SLC17A3: variants seen among roughly 807,000 people sequenced by gnomAD.
The protein encoded by SLC17A3 is sodium-dependent phosphate transport protein 4.
In SLC17A3, 61 loss-of-function variants were observed where a neutral mutation model predicts 60.3. The ratio of observed to expected loss-of-function variants is 1.01; its 90% CI spans 0.82 to 1.25. The LOEUF is 1.25. Among genes scored for constraint, SLC17A3 ranks in the 50% most tolerant of loss-of-function variants. The probability of loss-of-function intolerance (pLI) is 0.00; values close to 1 mark genes in which losing one functional copy is unlikely to be tolerated. For synonymous variants in SLC17A3, 192 were observed against 208.9 expected (o/e 0.92, Z 0.70); for missense variants, 624 against 594.9 (o/e 1.05, Z -0.51).
At chr6:25,851,950 T>C (rs1159161872) in intron 6 of SLC17A3, among the ~76,000 whole-genome samples, 5 of 152,162 alleles carry the variant, frequency 3.3e-5, no homozygotes, top group Non-Finnish European at 5.9e-5. Context: ...TTTATCCCTA[T>C]GTTGAATATT....
chr6:25,860,305 G>A (rs1237944373), intron 5 of SLC17A3, among the ~76,000 whole-genome samples: 1 of 150,594 alleles, frequency 6.6e-6, no homozygotes, highest in African/African-American at 2.5e-5. Context: ...TTAGAAGACA[G>A]TACACCGTGT....
At chr6:25,858,310 C>T (rs1001954185) in intron 5 of SLC17A3, among the ~76,000 whole-genome samples, 3 of 152,188 alleles carry the variant, frequency 2.0e-5, no homozygotes, top group African/African-American at 7.2e-5. Context: ...TCTTCTTATT[C>T]TTTCCTCAGC....
chr6:25,865,631 GA>G (rs2151526522), intron 2 of SLC17A3, among the ~76,000 whole-genome samples: 1 of 152,122 alleles, frequency 6.6e-6, no homozygotes, highest in East Asian at 1.9e-4. Context: ...ATTAACTAGA[GA>G]GTGTATTTAA....
At chr6:25,863,351 A>G (rs1765483819) in intron 2 of SLC17A3, among the ~76,000 whole-genome samples, 1 of 152,138 alleles carries the variant, frequency 6.6e-6, no homozygotes, top group African/African-American at 2.4e-5. Context: ...AGTAGAAGGT[A>G]TCCTGGCAGA....
At chr6:25,872,933 C>G (rs1303598306) in intron 1 of SLC17A3, among the ~76,000 whole-genome samples, 5 of 152,068 alleles carry the variant, frequency 3.3e-5, no homozygotes, top group Non-Finnish European at 7.4e-5. Flanking sequence ...AACACCCTAT[C>G]TCTAAGTGAA....
chr6:25,868,433 T>C lies in SLC17A3; in HGVS notation c.-33-13A>G, dbSNP rs1480787101. 1.4e-6 allele frequency: 2 copies of C among 1,465,172 alleles called. No homozygotes were observed. The highest frequency in any genetic ancestry group is 3.4e-5 in the Admixed American group (2 of 59,458). 90.8% of individuals were successfully genotyped at this position (1,465,172 alleles called of 1,614,324 possible). ...GAATGGTTTTCACCTATCAGGGAGATATGTAATTCACATGCATCAGTTGAG... is the reference window on the plus strand; with the variant it reads ...GAATGGTTTTCACCTATCAGGGAGACATGTAATTCACATGCATCAGTTGAG... On this transcript the variant is annotated splice_polypyrimidine_tract_variant and intron_variant, in intron 1 of 12. Transcript: ENST00000397060.
intron 5 of SLC17A3, among the ~76,000 whole-genome samples, chr6:25,859,060 A>G (rs1178618010): frequency 1.3e-5 from 2 of 152,234 alleles, no homozygotes; most frequent in East Asian, 3.8e-4. Flanking sequence ...AATTCACCTT[A>G]TAAGACATTA....
At chr6:25,852,004 T>G (rs1483929874) in intron 6 of SLC17A3, among the ~76,000 whole-genome samples, 2 of 152,202 alleles carry the variant, frequency 1.3e-5, no homozygotes, top group Non-Finnish European at 2.9e-5. Context: ...AATTGACATT[T>G]CTTATTATTT....
chr6:25,850,333 T>A, intron 8 of SLC17A3, 126 bp downstream of exon 8: 2 of 1,316,054 alleles, frequency 1.5e-6, no homozygotes, highest in Non-Finnish European at 2.2e-6. Flanking sequence ...GCTACTGGCA[T>A]GAGTATTAAA....
chr6:25,868,372 C>G lies in SLC17A3; in HGVS notation c.16G>C (p.Glu6Gln). 6.2e-7 allele frequency: 1 copy of G among 1,612,056 alleles called. No individual in the cohort carries two copies. Among genetic ancestry groups the G allele is most frequent in the Non-Finnish European group, 8.5e-7 (1 of 1,178,702 alleles). ...CTCTCCCTTGCTGTGGGACTCAACT[C>G]TGTCTTGGTGGCCATTGTGTTTCTC... is the stretch of plus-strand genomic sequence containing the variant. MATKTELSPTARESKN... is the reference protein window; with the variant it reads MATKTQLSPTARESKN... The change falls in exon 2 of 13, where the codon GAG becomes CAG. Residue 6 changes from glutamate (E) to glutamine (Q), a missense_variant. Transcript: ENST00000397060.
chr6:25,862,433 A>G lies in SLC17A3; in HGVS notation c.103T>C (p.Cys35Arg). Residue 35 changes from cysteine to arginine, a missense_variant, in exon 3 of 13, where the codon TGT (cysteine) becomes CGT (arginine). Transcript: ENST00000397060. The part of the protein sequence containing the change: ...TLIPRKVPSL[C>R]SARYGIALVL... ...AGGGCTATTCCATAGCGAGCAGAAC[A>G]TAAACTTGGAACTGGAAATATTATG... is the stretch of plus-strand genomic sequence containing the variant. 1 of 1,613,162 alleles carries G rather than the reference A, an allele frequency of 6.2e-7. No homozygotes were observed. Among genetic ancestry groups the G allele is most frequent in the Non-Finnish European group, 8.5e-7 (1 of 1,179,172 alleles).
In SLC17A3 at chr6:25,850,865, C is replaced by T. The variant is rs1470393479; in HGVS notation, c.725G>A (p.Cys242Tyr). 3 of 1,613,956 alleles carry T rather than the reference C, an allele frequency of 1.9e-6. No homozygotes were observed. The highest frequency in any genetic ancestry group is 1.1e-5 in the South Asian group (1 of 91,078). ...AACAAACCAGAGAAGGCAGCAGACA[C>T]AGCCAACACCTCCTGTAAGCACAGG... ...FVFYIFGGVG[C>Y]VCCLLWFVVI... Residue 242 changes from cysteine (C) to tyrosine (Y), a missense_variant, in exon 7 of 13, where the codon TGT becomes TAT. By Grantham distance (194) the Cys-to-Tyr change is radical. Transcript: ENST00000397060.
intron 5 of SLC17A3, among the ~76,000 whole-genome samples, chr6:25,858,816 T>TAC (rs1462797067): frequency 2.0e-5 from 3 of 152,202 alleles, no homozygotes; most frequent in East Asian, 1.9e-4. Flanking sequence ...AATGCTCAAA[T>TAC]ACACACACAC....
At chr6:25,847,511 T>G (rs888260269) in intron 11 of SLC17A3, among the ~76,000 whole-genome samples, 1 of 152,170 alleles carries the variant, frequency 6.6e-6, no homozygotes, top group Non-Finnish European at 1.5e-5. Context: ...ACGGTTGAAC[T>G]AATTTACACT....
Position 25,861,623 on chromosome 6 carries a change from C to G in SLC17A3, c.625+1G>C. On this transcript the variant is annotated splice_donor_variant, in intron 5 of 12. Coordinates refer to ENST00000397060, the MANE Select transcript of SLC17A3 (RefSeq NM_001098486.2). LOFTEE classifies it high-confidence loss of function. ...TACCCATTTGGATTACATGTCCTTA[C>G]CTGATAAAGCAATGCTGCAGAGTCT... 6.2e-7 allele frequency: 1 copy of G among 1,613,528 alleles called. No individual in the cohort carries two copies. Among genetic ancestry groups the G allele is most frequent in the South Asian group, 1.1e-5 (1 of 91,072 alleles).
At chr6:25,846,918 T>C (rs569926356) in intron 11 of SLC17A3, among the ~76,000 whole-genome samples, 19 of 152,284 alleles carry the variant, frequency 1.2e-4, no homozygotes, top group Admixed American at 1.2e-3. Flanking sequence ...GCCGGAAATA[T>C]TATTTTCTAA....
intron 6 of SLC17A3, among the ~76,000 whole-genome samples, chr6:25,851,262 T>A (rs1235058775): frequency 6.6e-6 from 1 of 152,014 alleles, no homozygotes; most frequent in East Asian, 1.9e-4. Context: ...TTTTGGTTTT[T>A]TATTATTGAG....
In SLC17A3 at chr6:25,850,180, A is replaced by G. The variant is rs1167871547; in HGVS notation, c.994-3T>C. 4 of 1,612,816 alleles carry G rather than the reference A, an allele frequency of 2.5e-6. No individual in the cohort carries two copies. Among genetic ancestry groups the G allele is most frequent in the South Asian group, 2.2e-5 (2 of 90,992 alleles). On this transcript the variant is annotated splice_polypyrimidine_tract_variant and splice_region_variant and intron_variant, in intron 8 of 12. Transcript: ENST00000397060. ...GGAAGGGCAGATAGAAGTCCATTCT[A>G]AAGAGAAAAGATTGAGTAAATTACC...
intron 6 of SLC17A3, among the ~76,000 whole-genome samples, chr6:25,854,811 C>T (rs1765333112): frequency 6.6e-6 from 1 of 150,860 alleles, no homozygotes; most frequent in Non-Finnish European, 1.5e-5. Context: ...GAGACAAAAC[C>T]CACAGCAGCA....
Sources: gnomAD v4.1 joint callset for allele counts (sites outside exome capture counted in the v4.1 genomes callset) on GRCh38, gnomAD v4.1.1 for gene constraint, MANE v1.5 for transcripts, NCBI Gene and HGNC (gene_info 2026-07-23, HGNC 2026-07-21) for gene names.